Variants in NYAP2 observed in about 807,000 individuals in gnomAD.
NYAP2 encodes the protein neuronal tyrosine-phosphorylated phosphoinositide-3-kinase adaptor 2, also known as neuronal tyrosine-phosphorylated phosphoinositide-3-kinase adapter 2.
NYAP2 carries 23 observed loss-of-function variants against 50.4 expected under a neutral mutation model. The observed-to-expected ratio is 0.46, with a 90% confidence interval of 0.33 to 0.65. NYAP2 has a LOEUF of 0.65. Among genes scored for constraint, NYAP2 ranks in the 30% least tolerant of loss-of-function variants. The pLI, the probability that NYAP2 is intolerant of heterozygous loss-of-function variation, is 0.02. For missense variants in NYAP2, 885 were observed against 861.0 expected, an observed-to-expected ratio of 1.03 and a Z score of -0.35; for synonymous variants, 394 against 365.2, an observed-to-expected ratio of 1.08 and a Z score of -0.90.
the NYAP2 span, among the ~76,000 whole-genome samples, chr2:225,675,680 A>T: frequency 4.0e-3 from 605 of 152,250 alleles, 2 homozygotes; most frequent in African/African-American, 0.014. Flanking sequence ...TTATTAGCTC[A>T]GTTGGTACTC....
chr2:225,699,596 T>C, the NYAP2 span: 1 of 151,924 alleles, frequency 6.6e-6, no homozygotes, highest in Non-Finnish European at 1.5e-5. Context: ...GATCTATTAA[T>C]AAAATATGTA....
chr2:225,682,259 T>A, the NYAP2 span, among the ~76,000 whole-genome samples: 1 of 152,198 alleles, frequency 6.6e-6, no homozygotes, highest in African/African-American at 2.4e-5. Flanking sequence ...GGTCAAAGCA[T>A]AGCTGTGACA....
intron 3 of NYAP2, among the ~76,000 whole-genome samples, chr2:225,506,005 G>A (rs749546908): frequency 8.6e-5 from 13 of 152,038 alleles, no homozygotes; most frequent in South Asian, 2.1e-4. Context: ...CGGTGGCCAG[G>A]GTGATCCAAC....
chr2:225,489,838 T>C (rs1385988296), intron 3 of NYAP2, among the ~76,000 whole-genome samples: 1 of 152,142 alleles, frequency 6.6e-6, no homozygotes, highest in East Asian at 1.9e-4. Flanking sequence ...CCAGATCAAA[T>C]AATAGATATC....
At chr2:225,674,533 G>A in the NYAP2 span, among the ~76,000 whole-genome samples, 1 of 152,038 alleles carries the variant, frequency 6.6e-6, no homozygotes, top group Admixed American at 6.6e-5. Context: ...GTGCTACAGT[G>A]ATTAGCGGAG....
intron 4 of NYAP2, among the ~76,000 whole-genome samples, chr2:225,549,637 C>A (rs1203675530): frequency 6.6e-6 from 1 of 152,100 alleles, no homozygotes; most frequent in Non-Finnish European, 1.5e-5. Flanking sequence ...TGACATTTAG[C>A]TATCGAGTTA....
chr2:225,524,072 G>C (rs1438845567), intron 4 of NYAP2, among the ~76,000 whole-genome samples: 1 of 152,184 alleles, frequency 6.6e-6, no homozygotes, highest in African/African-American at 2.4e-5. Flanking sequence ...ATGCATATAT[G>C]ATGGGGAGTT....
At chr2:225,408,875 C>T (rs1694983235) in exon 3 of NYAP2, 1 of 1,594,348 alleles carries the variant, frequency 6.3e-7, no homozygotes, top group African/African-American at 1.3e-5. Flanking sequence ...CAGTGTTCCT[C>T]TTTACATGAT....
chr2:225,664,707 T>C, the NYAP2 span, among the ~76,000 whole-genome samples: 3,646 of 121,670 alleles, frequency 0.03, 162 homozygotes, highest in African/African-American at 0.09. Flanking sequence ...ACCCCGTCTC[T>C]ACTAAAAATA....
At position 225,577,629 on chromosome 2, in the gene NYAP2, G is replaced by A. The variant is rs140376400; in HGVS notation, c.524-4312G>A. Among the ~76,000 whole-genome samples the A allele has an allele frequency of 1.7e-3, 266 of 152,016 alleles. 1 individual carries two copies. The highest frequency in any genetic ancestry group is 6.2e-3 in the African/African-American group (256 of 41,458). ...TATATAAATTATTTACTCAATACTT[G>A]CACTAAGGTAAGACCAGATGATTCA... On this transcript the variant is annotated intron_variant, in intron 4 of 6. Coordinates refer to ENST00000636099, the Ensembl canonical transcript of NYAP2.
At position 225,604,936 on chromosome 2, in the gene NYAP2, A is replaced by C. The variant is rs1692760864; in HGVS notation, c.1618+21901A>C. Among the ~76,000 whole-genome samples, 3 of 152,116 alleles carry C rather than the reference A, an allele frequency of 2.0e-5. No individual in the cohort carries two copies. In the South Asian group the frequency reaches 6.2e-4, roughly 31 times the overall value. On this transcript the variant is annotated intron_variant, in intron 5 of 6. Coordinates refer to ENST00000636099, the Ensembl canonical transcript of NYAP2. ...CATGAAATTTTAATAGCTATGACAT[A>C]TTTATCTCTTCCAAATATGTATTAG... is the stretch of plus-strand genomic sequence containing the variant.
chr2:225,424,385 G>A (rs910122642), intron 3 of NYAP2, among the ~76,000 whole-genome samples: 2 of 152,048 alleles, frequency 1.3e-5, no homozygotes, highest in African/African-American at 2.4e-5. Flanking sequence ...AACTTAATAA[G>A]TAATGTAGCA....
intron 3 of NYAP2, among the ~76,000 whole-genome samples, chr2:225,432,852 G>C (rs1298576174): frequency 2.0e-5 from 3 of 152,164 alleles, no homozygotes; most frequent in African/African-American, 4.8e-5. Context: ...ATCTAAAAAG[G>C]CTGCTCCATC....
exon 7 of NYAP2, chr2:225,653,510 G>C (rs940275940): frequency 2.0e-5 from 3 of 152,198 alleles, no homozygotes; most frequent in African/African-American, 7.2e-5. Flanking sequence ...TATGCTGTTA[G>C]TTTCCTTACC....
At chr2:225,437,942 A>T (rs1689409206) in intron 3 of NYAP2, among the ~76,000 whole-genome samples, 1 of 152,150 alleles carries the variant, frequency 6.6e-6, no homozygotes, top group East Asian at 1.9e-4. Context: ...ATAAAGCTTC[A>T]CCAGTTACTC....
At chr2:225,491,678 T>A (rs1690409719) in intron 3 of NYAP2, among the ~76,000 whole-genome samples, 1 of 152,046 alleles carries the variant, frequency 6.6e-6, no homozygotes, top group African/African-American at 2.4e-5. Context: ...GGACTGGGGG[T>A]CTTTACTATG....
intron 4 of NYAP2, among the ~76,000 whole-genome samples, chr2:225,537,026 C>A (rs1199102582): frequency 6.6e-6 from 1 of 152,098 alleles, no homozygotes; most frequent in African/African-American, 2.4e-5. Context: ...GATCCGCTCG[C>A]CTCGGCTTCC....
At chr2:225,493,693 A>T (rs1196643152) in intron 3 of NYAP2, among the ~76,000 whole-genome samples, 1 of 152,184 alleles carries the variant, frequency 6.6e-6, no homozygotes, top group Non-Finnish European at 1.5e-5. Flanking sequence ...TTAACCTGAA[A>T]TGTAGTTCAT....
chr2:225,569,297 G>A (rs1034458436), intron 4 of NYAP2, among the ~76,000 whole-genome samples: 7 of 152,302 alleles, frequency 4.6e-5, no homozygotes, highest in African/African-American at 1.7e-4. Context: ...TATGATTTAA[G>A]TTAATGAAAA....
Sources: allele counts gnomAD v4.1 joint callset (sites outside exome capture counted in the v4.1 genomes callset), GRCh38; gene constraint gnomAD v4.1.1; transcripts MANE v1.5; gene names NCBI Gene and HGNC (gene_info 2026-07-23, HGNC 2026-07-21).